The following FAM3B variants were observed in gnomAD, a reference collection of about 807,000 sequenced individuals.
The protein encoded by FAM3B is protein FAM3B.
In FAM3B, 29 loss-of-function variants were observed where a neutral mutation model predicts 28.4. That is an observed-to-expected ratio of 1.02 (90% confidence interval 0.76 to 1.39). The LOEUF (loss-of-function observed/expected upper bound fraction) is 1.39, where lower values mean the gene tolerates loss of function less well. Ranked by LOEUF, FAM3B falls within the 40% of genes most tolerant of loss-of-function variation. FAM3B has a pLI of 0.00. For synonymous variants in FAM3B, 91 were observed against 103.0 expected (o/e 0.88, Z 0.71); for missense variants, 266 against 293.9 (o/e 0.91, Z 0.69).
chr21:41,341,762 G>A (rs1260305323), intron 3 of FAM3B, among the ~76,000 whole-genome samples: 1 of 152,156 alleles, frequency 6.6e-6, no homozygotes, highest in East Asian at 1.9e-4. Context: ...CCCAGTTTGG[G>A]GTTATTATGA....
chr21:41,311,636 C>T (rs2088714716), intron 1 of FAM3B, among the ~76,000 whole-genome samples: 1 of 151,948 alleles, frequency 6.6e-6, no homozygotes, highest in South Asian at 2.1e-4. Flanking sequence ...TTGCAAATCT[C>T]TTTAATGTCC....
chr21:41,346,044 A>G, intron 5 of FAM3B: 2 of 255,102 alleles, frequency 7.8e-6, no homozygotes, highest in South Asian at 8.2e-5. Context: ...AAAGCCAAAT[A>G]CATTATATGT....
At position 41,357,087 on chromosome 21, in the gene FAM3B, A is replaced by T. The variant is rs775389771; in HGVS notation, c.619-21A>T. ...TTTATTAGATTAATGAATAAATAAA[A>T]CTCTTCTTTTCTCTACACAGATCAA... On this transcript the variant is annotated intron_variant, in intron 7 of 7. Transcript: ENST00000357985. 18 of 1,559,280 alleles carry T rather than the reference A, an allele frequency of 1.2e-5. No individual in the cohort carries two copies. In the East Asian group the frequency reaches 2.7e-4, roughly 24 times the overall value.
intron 2 of FAM3B, among the ~76,000 whole-genome samples, chr21:41,325,933 G>A (rs2088851265): frequency 6.6e-6 from 1 of 152,190 alleles, no homozygotes; most frequent in South Asian, 2.1e-4. Context: ...GAACCAGGTG[G>A]ATTTTCCTCA....
At chr21:41,347,991 A>G (rs1330779958) in intron 6 of FAM3B, among the ~76,000 whole-genome samples, 1 of 152,070 alleles carries the variant, frequency 6.6e-6, no homozygotes, top group Non-Finnish European at 1.5e-5. Context: ...TTTTTCATGG[A>G]GCATCTTACC....
intron 2 of FAM3B, among the ~76,000 whole-genome samples, chr21:41,324,348 A>G (rs1039844609): frequency 1.3e-5 from 2 of 152,248 alleles, no homozygotes; most frequent in African/African-American, 4.8e-5. Flanking sequence ...TCATTCCTGC[A>G]AGGCCATGAT....
chr21:41,314,465 T>C (rs1480369736), upstream of FAM3B, among the ~76,000 whole-genome samples: 2 of 152,210 alleles, frequency 1.3e-5, no homozygotes, highest in East Asian at 1.9e-4. Flanking sequence ...TCAAAGGTAA[T>C]GTCAACATCA....
In FAM3B at chr21:41,337,326, C is replaced by T. The variant is rs376963674; in HGVS notation, c.164-1052C>T. Among the ~76,000 whole-genome samples the T allele has an allele frequency of 1.4e-4, 21 of 152,332 alleles. 1 individual carries two copies. Among genetic ancestry groups the T allele is most frequent in the African/African-American group, 5.1e-4 (21 of 41,560 alleles). ...GGGTTCTATGGGTGATGATAGACAA[C>T]TACTCGGGGATCTGAGTGGGATCAG... On this transcript the variant is annotated intron_variant, in intron 2 of 7. Transcript: ENST00000357985.
upstream of FAM3B, among the ~76,000 whole-genome samples, chr21:41,314,689 T>C (rs912447649): frequency 3.3e-5 from 5 of 151,908 alleles, no homozygotes; most frequent in East Asian, 1.9e-4. Context: ...TACTCAACAC[T>C]ACTAGCAATT....
rs2089039145 is a variant in FAM3B at position 41,344,535 on chromosome 21, G to A, written c.346+1G>A. 1 of 1,612,726 alleles carries A rather than the reference G, an allele frequency of 6.2e-7. No homozygotes were observed. Among genetic ancestry groups the A allele is most frequent in the Admixed American group, 1.7e-5 (1 of 60,024 alleles). ...GGAATAAACATTGCCATTGTCAACT[G>A]TAAGTTACTAAACATTTTCTTTAAA... is the stretch of plus-strand genomic sequence containing the variant. On this transcript the variant is annotated splice_donor_variant, in intron 4 of 7. Transcript: ENST00000357985. LOFTEE classifies it high-confidence loss of function.
chr21:41,337,810 G>C (rs8129480), intron 2 of FAM3B, among the ~76,000 whole-genome samples: 30,688 of 151,556 alleles, frequency 0.2, 3,301 homozygotes, highest in African/African-American at 0.28. Context: ...TGTATATGGT[G>C]TGTGTGTGTG....
intron 2 of FAM3B, among the ~76,000 whole-genome samples, chr21:41,335,899 G>A (rs1457004220): frequency 1.3e-5 from 2 of 152,174 alleles, no homozygotes; most frequent in Non-Finnish European, 2.9e-5. Flanking sequence ...TGCTCTGTAT[G>A]TCTATTAGAT....
rs762144962 is a variant in FAM3B, at chr21:41,323,068, T to C, written c.163+2T>C. Reference sequence around the variant, plus strand: ...TCGGGGAGAGGCCTGTCCTCAAAGGTGAGTGCCGTGCTTGGGGCAGACGGC... The same window carrying C: ...TCGGGGAGAGGCCTGTCCTCAAAGGCGAGTGCCGTGCTTGGGGCAGACGGC... On this transcript the variant is annotated splice_donor_variant, in intron 2 of 7. Coordinates refer to ENST00000357985, the MANE Select transcript of FAM3B (RefSeq NM_058186.4). LOFTEE classifies it high-confidence loss of function. 9 of 1,602,924 alleles carry C rather than the reference T, an allele frequency of 5.6e-6. No individual in the cohort carries two copies. Among genetic ancestry groups the C allele is most frequent in the South Asian group, 3.3e-5 (3 of 91,048 alleles).
At chr21:41,305,816 C>T (rs8128164) in intron 1 of FAM3B, among the ~76,000 whole-genome samples, 91,741 of 152,108 alleles carry the variant, frequency 0.6, 28,348 homozygotes, top group East Asian at 0.83. Flanking sequence ...CTGATCAGGA[C>T]GGTGGTTGCT....
chr21:41,354,306 T>C (rs982328637), intron 7 of FAM3B, among the ~76,000 whole-genome samples: 3 of 152,206 alleles, frequency 2.0e-5, no homozygotes, highest in African/African-American at 7.2e-5. Flanking sequence ...ACAAATTATA[T>C]TTGTTATAAG....
At chr21:41,321,739 G>A (rs1183574812) in intron 1 of FAM3B, among the ~76,000 whole-genome samples, 7 of 152,204 alleles carry the variant, frequency 4.6e-5, no homozygotes, top group African/African-American at 1.7e-4. Flanking sequence ...AATAGCACAC[G>A]CTGCCTTGGC....
intron 1 of FAM3B, among the ~76,000 whole-genome samples, chr21:41,307,665 A>G (rs1229540783): frequency 1.3e-5 from 2 of 152,188 alleles, no homozygotes; most frequent in East Asian, 1.9e-4. Flanking sequence ...ATATTGTTGT[A>G]TCTCAGGGAA....
intron 6 of FAM3B, 79 bp downstream of exon 6, chr21:41,347,179 A>G (rs773316162): frequency 9.4e-6 from 11 of 1,176,354 alleles, no homozygotes; most frequent in Non-Finnish European, 1.4e-5. Flanking sequence ...TCTCAGTGAC[A>G]TCCTCTGGGG....
At chr21:41,314,830 C>G (rs1042708431), upstream of FAM3B, among the ~76,000 whole-genome samples, 2 of 151,428 alleles carry the variant, frequency 1.3e-5, no homozygotes, top group African/African-American at 4.8e-5. Context: ...ATGCCCTGTG[C>G]ACTGAGTGGG....
Sources: allele counts gnomAD v4.1 joint callset (sites outside exome capture counted in the v4.1 genomes callset), GRCh38; gene constraint gnomAD v4.1.1; transcripts MANE v1.5; gene names NCBI Gene and HGNC (gene_info 2026-07-23, HGNC 2026-07-21).